Variants in DHDDS observed in about 807,000 individuals in gnomAD.
DHDDS encodes the protein dehydrodolichyl diphosphate synthase complex subunit DHDDS.
A neutral mutation model predicts 46.2 loss-of-function variants in DHDDS; 16 were observed. The ratio of observed to expected loss-of-function variants is 0.35; its 90% CI spans 0.23 to 0.53. DHDDS has a LOEUF of 0.53. DHDDS is among the 20% of genes least tolerant of loss of function. DHDDS has a pLI of 0.94. For missense variants in DHDDS, 340 were observed against 423.7 expected (o/e 0.80, Z 1.73); for synonymous variants, 151 against 163.1 (o/e 0.93, Z 0.56).
rs1271822812 is a variant in DHDDS, at chr1:26,432,910, C to G, written c.-36C>G. 3 of 1,610,932 alleles carry G rather than the reference C, an allele frequency of 1.9e-6. No individual in the cohort carries two copies. ...TCCAAGATTACCTGGCTGGTGTTTG[C>G]TTGTTCTGGAGTGATCTTCTGACTG... On this transcript the variant is annotated 5_prime_UTR_variant, in exon 2 of 9. Transcript: ENST00000236342.
At chr1:26,437,725 C>G (rs1406723699) in intron 2 of DHDDS, among the ~76,000 whole-genome samples, 1 of 151,846 alleles carries the variant, frequency 6.6e-6, no homozygotes, top group Non-Finnish European at 1.5e-5. Flanking sequence ...ATCTGCCCAC[C>G]TCAGCCTCCC....
chr1:26,447,942 C>T (rs1334624168), intron 6 of DHDDS: 6 of 588,908 alleles, frequency 1.0e-5, no homozygotes, highest in Non-Finnish European at 1.8e-5. Flanking sequence ...GGGGATCTCC[C>T]AAATTTAGAG....
chr1:26,451,361 C>G (rs757813791), intron 6 of DHDDS, among the ~76,000 whole-genome samples: 1 of 151,188 alleles, frequency 6.6e-6, no homozygotes, highest in Non-Finnish European at 1.5e-5. Flanking sequence ...TCACTATCAC[C>G]ATCCAACTCC....
At position 26,468,907 on chromosome 1, in the gene DHDDS, A is replaced by C; in HGVS notation, c.778A>C (p.Met260Leu). 6.2e-7 allele frequency: 1 copy of C among 1,612,786 alleles called. No homozygotes were observed. Among genetic ancestry groups the C allele is most frequent in the Non-Finnish European group, 8.5e-7 (1 of 1,179,408 alleles). ...TTTTCTCTAGCAGAAGGCCCGAGAC[A>C]TGTATGCAGAGGAGCGGAAGAGGCA... ...NHSVLQKARD[M>L]YAEERKRQQL... Residue 260 changes from methionine to leucine, a missense_variant, in exon 9 of 9, where the codon ATG becomes CTG. Met to Leu is a conservative substitution (Grantham distance 15). Transcript: ENST00000236342.
intron 6 of DHDDS, among the ~76,000 whole-genome samples, chr1:26,450,336 A>T (rs1235394640): frequency 6.6e-6 from 1 of 152,138 alleles, no homozygotes; most frequent in Non-Finnish European, 1.5e-5. Flanking sequence ...TTGTAAAAAC[A>T]GGGTCTGACT....
At chr1:26,443,060 TA>T in intron 4 of DHDDS, 187 bp downstream of exon 4, 2 of 1,105,274 alleles carry the variant, frequency 1.8e-6, no homozygotes, top group Non-Finnish European at 1.2e-6. Flanking sequence ...AACTTTTTAA[TA>T]AAAAAGGGGG....
At chr1:26,433,533 C>T (rs186618336) in intron 2 of DHDDS, among the ~76,000 whole-genome samples, 9 of 151,998 alleles carry the variant, frequency 5.9e-5, no homozygotes, top group Admixed American at 3.3e-4. Context: ...CCTGTAGTCC[C>T]AGCTACTCGG....
At chr1:26,463,752 C>T (rs538235403) in intron 8 of DHDDS, among the ~76,000 whole-genome samples, 3 of 152,086 alleles carry the variant, frequency 2.0e-5, no homozygotes, top group South Asian at 2.1e-4. Flanking sequence ...GTGATCTGCC[C>T]GCCTCGGCCT....
intron 6 of DHDDS, among the ~76,000 whole-genome samples, chr1:26,451,765 A>C (rs930188604): frequency 2.0e-5 from 3 of 151,676 alleles, no homozygotes; most frequent in Non-Finnish European, 4.4e-5. Flanking sequence ...AGTAACTGGG[A>C]CTACAGGCGC....
chr1:26,443,178 A>G, intron 4 of DHDDS: 1 of 359,398 alleles, frequency 2.8e-6, no homozygotes, highest in South Asian at 2.4e-5. Context: ...GAACCTCTGT[A>G]TTCATTTATT....
At chr1:26,457,744 A>C (rs1184030302) in intron 6 of DHDDS, 47 bp from the exon 7 acceptor site, 3 of 1,395,580 alleles carry the variant, frequency 2.1e-6, no homozygotes, top group Non-Finnish European at 3.1e-6. Context: ...CAGAAAGAGA[A>C]TACTACAGGA....
At chr1:26,443,949 GAGAGA>G (rs2075243188) in intron 4 of DHDDS, among the ~76,000 whole-genome samples, 1 of 152,164 alleles carries the variant, frequency 6.6e-6, no homozygotes, top group South Asian at 2.1e-4. Flanking sequence ...CCAATTTTTA[GAGAGA>G]AGGAAAGTAG....
At chr1:26,440,630 C>T (rs2075208900) in intron 3 of DHDDS, among the ~76,000 whole-genome samples, 1 of 152,196 alleles carries the variant, frequency 6.6e-6, no homozygotes, top group African/African-American at 2.4e-5. Flanking sequence ...GGTTCCAACC[C>T]AGATGTGCCA....
intron 6 of DHDDS, among the ~76,000 whole-genome samples, chr1:26,457,030 A>G (rs2075375895): frequency 6.6e-6 from 1 of 152,250 alleles, no homozygotes; most frequent in Non-Finnish European, 1.5e-5. Flanking sequence ...TATTTTAAAA[A>G]ACAAGATGTT....
At chr1:26,439,046 T>C (rs994932059) in intron 3 of DHDDS, among the ~76,000 whole-genome samples, 1 of 152,164 alleles carries the variant, frequency 6.6e-6, no homozygotes, top group Non-Finnish European at 1.5e-5. Flanking sequence ...ATTTTCTGCC[T>C]CAGCCTCCTG....
At chr1:26,451,458 GTTTT>G (rs1473578714) in intron 6 of DHDDS, among the ~76,000 whole-genome samples, 2 of 135,796 alleles carry the variant, frequency 1.5e-5, no homozygotes, top group Non-Finnish European at 3.2e-5. Context: ...GTGTATTTTT[GTTTT>G]TTTGTTTTTC....
At chr1:26,446,689 T>A (rs1428016782) in intron 5 of DHDDS, among the ~76,000 whole-genome samples, 3 of 148,488 alleles carry the variant, frequency 2.0e-5, no homozygotes, top group African/African-American at 5.1e-5. Context: ...ACCAAATAAG[T>A]GTGTGTGTGT....
Position 26,457,931 on chromosome 1 carries a change from G to A in DHDDS, c.657+26G>A, listed in dbSNP as rs752541007. The A allele has an allele frequency of 1.1e-5, 18 of 1,591,252 alleles. No individual in the cohort carries two copies. The Admixed American group carries it at 2.5e-4, about 22-fold the overall frequency. On this transcript the variant is annotated intron_variant, in intron 7 of 8. Transcript: ENST00000236342. Reference sequence around the variant, plus strand: ...GTAGGTCATTTCCAAGTACTATTATGTTTGTGTCATGGGGAAACCAACTGT... The same window carrying A: ...GTAGGTCATTTCCAAGTACTATTATATTTGTGTCATGGGGAAACCAACTGT...
At chr1:26,436,259 T>G (rs2075153867) in intron 2 of DHDDS, among the ~76,000 whole-genome samples, 1 of 152,042 alleles carries the variant, frequency 6.6e-6, no homozygotes, top group Non-Finnish European at 1.5e-5. Flanking sequence ...ATTAGCTGGG[T>G]GTGGTGGTGT....
Sources: gnomAD v4.1 joint callset for allele counts (sites outside exome capture counted in the v4.1 genomes callset) on GRCh38, gnomAD v4.1.1 for gene constraint, MANE v1.5 for transcripts, NCBI Gene and HGNC (gene_info 2026-07-23, HGNC 2026-07-21) for gene names.